C1orf21: variants seen among roughly 807,000 people sequenced by gnomAD.
C1orf21 encodes uncharacterized protein C1orf21.
In C1orf21, 3 loss-of-function variants were observed where a neutral mutation model predicts 18.7. That is an observed-to-expected ratio of 0.16 (90% CI 0.07 to 0.42). C1orf21 has a LOEUF of 0.42. C1orf21 is among the 10% of genes least tolerant of loss of function. C1orf21 has a pLI of 0.99. For synonymous variants in C1orf21, 41 were observed against 46.4 expected (o/e 0.88, Z 0.47); for missense variants, 104 against 143.6 (o/e 0.72, Z 1.41).
intron 3 of C1orf21, among the ~76,000 whole-genome samples, chr1:184,571,064 C>T (rs1230901241): frequency 6.6e-6 from 1 of 151,990 alleles, no homozygotes; most frequent in Non-Finnish European, 1.5e-5. Context: ...GAGGCCGAGG[C>T]GGGCGGATCA....
intron 2 of C1orf21, among the ~76,000 whole-genome samples, chr1:184,501,641 G>A (rs1657977962): frequency 6.6e-6 from 1 of 152,212 alleles, no homozygotes; most frequent in Non-Finnish European, 1.5e-5. Flanking sequence ...GCTGAGTGTT[G>A]TCTCTGGCAC....
chr1:184,590,849 G>A (rs536354040), intron 4 of C1orf21, 34 bp downstream of exon 4: 10 of 1,548,440 alleles, frequency 6.5e-6, no homozygotes, highest in East Asian at 4.5e-5. Context: ...TTATATAGTC[G>A]GCCTTCCATA....
chr1:184,521,290 A>G (rs2101969282), intron 3 of C1orf21, among the ~76,000 whole-genome samples: 1 of 152,314 alleles, frequency 6.6e-6, no homozygotes, highest in East Asian at 1.9e-4. Flanking sequence ...TATTTTCCCA[A>G]CTGATTGGAA....
intron 1 of C1orf21, among the ~76,000 whole-genome samples, chr1:184,454,844 CTCAGGTGTT>C (rs1397957021): frequency 6.6e-6 from 1 of 151,990 alleles, no homozygotes; most frequent in Non-Finnish European, 1.5e-5. Flanking sequence ...ATTACCCAGT[CTCAGGTGTT>C]TCTTTATAGC....
At chr1:184,486,842 C>T (rs1342401528) in intron 2 of C1orf21, among the ~76,000 whole-genome samples, 1 of 152,196 alleles carries the variant, frequency 6.6e-6, no homozygotes, top group Non-Finnish European at 1.5e-5. Flanking sequence ...GATGAGGGAG[C>T]ACCTGAGTTT....
Position 184,566,197 on chromosome 1 carries a change from TC to T in C1orf21, c.190-24541del, listed in dbSNP as rs201683696. On this transcript the variant is annotated intron_variant, in intron 3 of 5. Coordinates refer to ENST00000235307, the MANE Select transcript of C1orf21 (RefSeq NM_030806.4). ...ACTGGCACTGGGAGGAGCCCCACGT[TC>T]TGCCGTACCTGCCCCCAGGTTGGCT... 7.5e-3 allele frequency among the ~76,000 whole-genome samples: 1,142 copies of T among 152,266 alleles called. 6 individuals carry two copies. The highest frequency in any genetic ancestry group is 0.02 in the Middle Eastern group (6 of 294).
chr1:184,422,084 A>G (rs1045735850), intron 1 of C1orf21, among the ~76,000 whole-genome samples: 1 of 152,218 alleles, frequency 6.6e-6, no homozygotes, highest in Non-Finnish European at 1.5e-5. Context: ...GTCCGATGGG[A>G]TGGCTTTGGC....
chr1:184,425,274 T>TA (rs1571351817), intron 1 of C1orf21, among the ~76,000 whole-genome samples: 1 of 151,900 alleles, frequency 6.6e-6, no homozygotes. Context: ...TATCTTTTTT[T>TA]TTTTTTTCCT....
rs1287740961 is a variant in C1orf21 at position 184,621,760 on chromosome 1, G to C, written c.*2204G>C. The C allele has an allele frequency of 6.6e-6, 1 of 152,034 alleles. No homozygotes were observed. Among genetic ancestry groups the C allele is most frequent in the African/African-American group, 2.4e-5 (1 of 41,386 alleles). The allele number at this position is 152,034 out of a possible 1,614,324, so 9.4% of individuals were successfully genotyped here. ...TGCGCATAGATCCAAGCGTTTCTTG[G>C]GAACCTGACTTTTGAGTGTTTAATA... is the stretch of plus-strand genomic sequence containing the variant. On this transcript the variant is annotated 3_prime_UTR_variant, in exon 6 of 6. Transcript: ENST00000235307.
chr1:184,592,018 T>G (rs977871581), intron 4 of C1orf21, among the ~76,000 whole-genome samples: 1 of 152,094 alleles, frequency 6.6e-6, no homozygotes, highest in Admixed American at 6.5e-5. Flanking sequence ...CTAAGGCATA[T>G]GTTGTCTGTT....
chr1:184,443,611 A>G (rs925037412), intron 1 of C1orf21, among the ~76,000 whole-genome samples: 3 of 152,196 alleles, frequency 2.0e-5, no homozygotes, highest in Non-Finnish European at 4.4e-5. Context: ...GCACTGGGAA[A>G]GTTCTTCATT....
In C1orf21 at chr1:184,624,222, C is replaced by G. The variant is rs780895893; in HGVS notation, c.*4666C>G. ...GGCATCTGCCTTCCAGAATCTCTCT[C>G]TGGCTTCTCACCAGCTTGGTTTCCT... On this transcript the variant is annotated 3_prime_UTR_variant, in exon 6 of 6. Coordinates refer to ENST00000235307, the MANE Select transcript of C1orf21 (RefSeq NM_030806.4). The G allele has an allele frequency of 2.6e-5, 4 of 152,638 alleles. No homozygotes were observed. Among genetic ancestry groups the G allele is most frequent in the Non-Finnish European group, 5.9e-5 (4 of 68,056 alleles). The allele number at this position is 152,638 out of a possible 1,614,324, so 9.5% of individuals were successfully genotyped here.
Position 184,626,581 on chromosome 1 carries a change from C to CTG in C1orf21, c.*7029_*7030dup, listed in dbSNP as rs1203122650. 6.6e-6 allele frequency: 1 copy of CTG among 152,412 alleles called. No homozygotes were observed. 9.4% of individuals were successfully genotyped at this position (152,412 alleles called of 1,614,324 possible). A position where few individuals can be genotyped will look rare whatever the true frequency, so the allele number is the denominator to read the frequency against. On this transcript the variant is annotated 3_prime_UTR_variant, in exon 6 of 6. Coordinates refer to ENST00000235307, the MANE Select transcript of C1orf21 (RefSeq NM_030806.4). ...GCATAAATAAGAGCTTTAGGTGGTGCTGTGTCCTCTGCAGCCCACTGCTGA... is the reference window on the plus strand; with the variant it reads ...GCATAAATAAGAGCTTTAGGTGGTGCTGTGTGTCCTCTGCAGCCCACTGCTGA...
At chr1:184,574,696 T>G (rs17440549) in intron 3 of C1orf21, among the ~76,000 whole-genome samples, 25,798 of 152,230 alleles carry the variant, frequency 0.17, 2,461 homozygotes, top group East Asian at 0.31. Flanking sequence ...TAGCAGGACC[T>G]AGGGCGTGAA....
chr1:184,455,278 C>T (rs993555729), intron 1 of C1orf21, among the ~76,000 whole-genome samples: 2 of 152,250 alleles, frequency 1.3e-5, no homozygotes, highest in African/African-American at 4.8e-5. Context: ...TGTAAGGTGA[C>T]CTGTGTTTAA....
chr1:184,410,664 T>TATATATAATATATATA (rs1553248058), intron 1 of C1orf21, among the ~76,000 whole-genome samples: 1 of 3,014 alleles, frequency 3.3e-4, no homozygotes, highest in African/African-American at 4.5e-3. Context: ...TATATATATA[T>TATATATAATATATATA]TTTTTTTTTT....
chr1:184,583,717 T>C (rs1659314003), intron 3 of C1orf21, among the ~76,000 whole-genome samples: 1 of 152,248 alleles, frequency 6.6e-6, no homozygotes, highest in African/African-American at 2.4e-5. Flanking sequence ...TTGAGATGTC[T>C]TGAGTGGGGC....
intron 2 of C1orf21, among the ~76,000 whole-genome samples, chr1:184,496,003 T>C (rs1278343594): frequency 6.6e-6 from 1 of 151,956 alleles, no homozygotes; most frequent in African/African-American, 2.4e-5. Flanking sequence ...AGTTGGTTTT[T>C]GGAGGGTTTC....
intron 1 of C1orf21, among the ~76,000 whole-genome samples, chr1:184,474,476 C>A (rs1657541298): frequency 6.6e-6 from 1 of 152,180 alleles, no homozygotes; most frequent in African/African-American, 2.4e-5. Flanking sequence ...ATAATTTCCA[C>A]CTTTAAAATT....
Sources: gnomAD v4.1 joint callset for allele counts (sites outside exome capture counted in the v4.1 genomes callset) on GRCh38, gnomAD v4.1.1 for gene constraint, MANE v1.5 for transcripts, NCBI Gene and HGNC (gene_info 2026-07-23, HGNC 2026-07-21) for gene names.